The following UNC13B variants were observed in gnomAD, a reference collection of about 807,000 sequenced individuals.
UNC13B encodes protein unc-13 homolog B.
Under a neutral mutation model 211.0 loss-of-function variants are expected in UNC13B, and 144 were observed. That is an observed-to-expected ratio of 0.68 (90% CI 0.60 to 0.78). The LOEUF is 0.78. Among genes scored for constraint, UNC13B ranks in the 30% least tolerant of loss-of-function variants. The pLI is 0.00. For synonymous variants in UNC13B, 709 were observed against 725.8 expected (o/e 0.98, Z 0.37); for missense variants, 1,777 against 2,002.0 (o/e 0.89, Z 2.14).
At chr9:35,167,981 C>T (rs190526131) in intron 1 of UNC13B, among the ~76,000 whole-genome samples, 57 of 151,816 alleles carry the variant, frequency 3.8e-4, no homozygotes, top group Middle Eastern at 3.4e-3. Flanking sequence ...TGCAGTAGTA[C>T]GATCGTGGCT....
Position 35,236,467 on chromosome 9 carries a change from A to G in UNC13B, c.153-2A>G, listed in dbSNP as rs1056574309. 14 of 1,612,484 alleles carry G rather than the reference A, an allele frequency of 8.7e-6. No homozygotes were observed. The highest frequency in any genetic ancestry group is 1.2e-5 in the Non-Finnish European group (14 of 1,178,606). ...CTCAAAGGGCTTTCCTCTTTCCCTT[A>G]GTGAGATTAGTCGCCTGGACCTGGG... On this transcript the variant is annotated splice_acceptor_variant, in intron 3 of 39. Coordinates refer to ENST00000635942, the MANE Select transcript of UNC13B (RefSeq NM_001371189.2). LOFTEE classifies it high-confidence loss of function.
intron 1 of UNC13B, among the ~76,000 whole-genome samples, chr9:35,210,929 G>T (rs1277799199): frequency 6.6e-6 from 1 of 152,048 alleles, no homozygotes; most frequent in East Asian, 1.9e-4. Flanking sequence ...AGAGATGGGG[G>T]TCTCTCTATG....
intron 8 of UNC13B, 103 bp downstream of exon 8, chr9:35,296,033 TG>T: frequency 9.3e-7 from 1 of 1,079,536 alleles, no homozygotes; most frequent in Non-Finnish European, 1.3e-6. Context: ...GTAGCGTAAG[TG>T]TAGCAGTATC....
At chr9:35,229,385 T>C (rs2131496008) in intron 2 of UNC13B, among the ~76,000 whole-genome samples, 1 of 152,336 alleles carries the variant, frequency 6.6e-6, no homozygotes, top group South Asian at 2.1e-4. Context: ...TCTGAGAATC[T>C]GCTCTGTTGT....
In UNC13B at chr9:35,302,887, G is replaced by A. The variant is rs990486429; in HGVS notation, c.3483G>A (p.Leu1161=). 1.3e-5 allele frequency: 5 copies of A among 398,484 alleles called. No individual in the cohort carries two copies. The highest frequency in any genetic ancestry group is 2.2e-5 in the Non-Finnish European group (5 of 225,734). 24.7% of individuals were successfully genotyped at this position (398,484 alleles called of 1,614,324 possible). ...LFNRFSSAEN[L]SSQELNLKND... The stretch of plus-strand genomic sequence containing the variant: ...ATAGGTTTTCTTCTGCTGAAAATTT[G>A]TCTAGTCAAGAATTAAATTTGAAAA... The change falls in exon 9 of 40, where the codon TTG becomes TTA. Residue 1161 remains leucine (L), a synonymous_variant. Transcript: ENST00000635942.
intron 5 of UNC13B, among the ~76,000 whole-genome samples, chr9:35,242,302 A>G (rs1187180372): frequency 6.6e-6 from 1 of 152,150 alleles, no homozygotes; most frequent in East Asian, 1.9e-4. Flanking sequence ...GTGGTAAGAG[A>G]CATAACTGAA....
intron 13 of UNC13B, among the ~76,000 whole-genome samples, chr9:35,371,059 G>GA (rs1834083865): frequency 2.3e-4 from 35 of 152,182 alleles, no homozygotes; most frequent in Admixed American, 7.2e-4. Flanking sequence ...GTGAGGTCCA[G>GA]GTTCTCTCAG....
chr9:35,167,778 A>AT (rs1821122120), intron 1 of UNC13B, among the ~76,000 whole-genome samples: 1 of 73,166 alleles, frequency 1.4e-5, no homozygotes, highest in South Asian at 4.0e-4. Context: ...TTTTTTTTGT[A>AT]TTTTTAGTAG....
intron 11 of UNC13B, 31 bp from the exon 12 acceptor site, chr9:35,366,916 G>A (rs1833807891): frequency 6.3e-7 from 1 of 1,599,294 alleles, no homozygotes; most frequent in Admixed American, 1.7e-5. Flanking sequence ...TCTTTCCCAG[G>A]ATCTAACTTG....
intron 7 of UNC13B, among the ~76,000 whole-genome samples, chr9:35,285,098 G>T (rs1828716252): frequency 6.6e-6 from 1 of 152,152 alleles, no homozygotes; most frequent in South Asian, 2.1e-4. Context: ...AAGTGCAGAG[G>T]TTTACCTTCT....
chr9:35,235,011 C>T (rs1030022200), intron 3 of UNC13B, among the ~76,000 whole-genome samples: 3 of 152,110 alleles, frequency 2.0e-5, no homozygotes, highest in African/African-American at 7.2e-5. Context: ...TTGGATTACC[C>T]CTCAAGTAAC....
chr9:35,200,014 T>G (rs1219574388), intron 1 of UNC13B, among the ~76,000 whole-genome samples: 22 of 152,244 alleles, frequency 1.4e-4, no homozygotes, highest in Admixed American at 1.4e-3. Context: ...AATTAATTTT[T>G]GTATAAGGTG....
chr9:35,323,531 A>G (rs1389298689), intron 11 of UNC13B, among the ~76,000 whole-genome samples: 1 of 152,182 alleles, frequency 6.6e-6, no homozygotes, highest in Non-Finnish European at 1.5e-5. Context: ...TTCACAAACC[A>G]GAGTGACCTT....
In UNC13B at chr9:35,405,084, C is replaced by T. The variant is rs542822920; in HGVS notation, c.*1051C>T. On this transcript the variant is annotated 3_prime_UTR_variant, in exon 40 of 40. Transcript: ENST00000635942. ...GGCTGGATGGAAGGGGCCCTCCACA[C>T]TTCCTGGGAGGTCAGAGACAAACTG... 6.5e-6 allele frequency: 1 copy of T among 152,768 alleles called. No individual in the cohort carries two copies. The highest frequency in any genetic ancestry group is 2.1e-4 in the South Asian group (1 of 4,828). 9.5% of individuals were successfully genotyped at this position (152,768 alleles called of 1,614,324 possible).
rs369919669 is a variant in UNC13B at position 35,243,158 on chromosome 9, A to C, written c.395-133A>C. 1,323 of 793,796 alleles carry C rather than the reference A, an allele frequency of 1.7e-3. 20 individuals carry two copies. The South Asian group carries it at 0.018, about 11-fold the overall frequency. The allele number at this position is 793,796 out of a possible 1,614,324, so 49.2% of individuals were successfully genotyped here. A position where few individuals can be genotyped will look rare whatever the true frequency, so the allele number is the denominator to read the frequency against. Reference sequence around the variant, plus strand: ...AAGATAATGTTCATGACAAGAACCAAACCATCAGTTAAAACTTGTGCATCA... The same window carrying C: ...AAGATAATGTTCATGACAAGAACCACACCATCAGTTAAAACTTGTGCATCA... On this transcript the variant is annotated intron_variant, in intron 5 of 39. Coordinates refer to ENST00000635942, the MANE Select transcript of UNC13B (RefSeq NM_001371189.2).
At chr9:35,208,078 G>A (rs1026157488) in intron 1 of UNC13B, among the ~76,000 whole-genome samples, 31 of 152,254 alleles carry the variant, frequency 2.0e-4, no homozygotes, top group African/African-American at 7.2e-4. Context: ...CTATCAGCCA[G>A]TAGATAACTG....
chr9:35,259,586 G>A (rs1236936688), intron 7 of UNC13B, among the ~76,000 whole-genome samples: 1 of 152,014 alleles, frequency 6.6e-6, no homozygotes, highest in Non-Finnish European at 1.5e-5. Context: ...AATAAAATTT[G>A]ATAAATGATT....
At chr9:35,392,671 T>C (rs916382675) in intron 26 of UNC13B, among the ~76,000 whole-genome samples, 9 of 150,994 alleles carry the variant, frequency 6.0e-5, no homozygotes, top group East Asian at 2.0e-4. Flanking sequence ...AGGGATAGCA[T>C]TGGGAGATAT....
At chr9:35,255,308 TC>T (rs987494390) in intron 6 of UNC13B, among the ~76,000 whole-genome samples, 2 of 148,356 alleles carry the variant, frequency 1.3e-5, no homozygotes, top group African/African-American at 5.0e-5. Context: ...ATTTATCCCC[TC>T]CCCCACCCCA....
Sources: gnomAD v4.1 joint callset for allele counts (sites outside exome capture counted in the v4.1 genomes callset) on GRCh38, gnomAD v4.1.1 for gene constraint, MANE v1.5 for transcripts, NCBI Gene and HGNC (gene_info 2026-07-23, HGNC 2026-07-21) for gene names.